The following PLXNC1 variants were observed in gnomAD, a reference collection of about 807,000 sequenced individuals.
PLXNC1 encodes plexin-C1.
A neutral mutation model predicts 178.2 loss-of-function variants in PLXNC1; 75 were observed. The ratio of observed to expected loss-of-function variants is 0.42; its 90% CI spans 0.35 to 0.51. The LOEUF (loss-of-function observed/expected upper bound fraction) is 0.51, where lower values mean the gene tolerates loss of function less well. PLXNC1 is among the 20% of genes least tolerant of loss of function. The pLI, the probability that PLXNC1 is intolerant of heterozygous loss-of-function variation, is 0.02. For missense variants in PLXNC1, 1,503 were observed against 1,984.4 expected (o/e 0.76, Z 4.61); for synonymous variants, 790 against 779.9 (o/e 1.01, Z -0.22).
chr12:94,279,350 C>T (rs941725454), intron 21 of PLXNC1, 122 bp from the exon 22 acceptor site: 4 of 703,516 alleles, frequency 5.7e-6, no homozygotes, highest in African/African-American at 5.4e-5. Flanking sequence ...TAATGCAATA[C>T]AGTGTTTGCT....
At chr12:94,273,269 TTC>T (rs759011164) in intron 21 of PLXNC1, among the ~76,000 whole-genome samples, 65 of 152,178 alleles carry the variant, frequency 4.3e-4, no homozygotes, top group Non-Finnish European at 7.6e-4. Flanking sequence ...GGGACTCTCT[TTC>T]AGGTGGCAGG....
In PLXNC1 at chr12:94,305,948, CTCTA is replaced by C. The variant is rs1968960808; in HGVS notation, c.*664_*667del. On this transcript the variant is annotated 3_prime_UTR_variant, in exon 31 of 31. Coordinates refer to ENST00000258526, the MANE Select transcript of PLXNC1 (RefSeq NM_005761.3). Reference sequence around the variant, plus strand: ...AACTCACCTCCATTTCACCAAGGAGCTCTAAAGTAAGGAGAGTGGGCTTTATTTA... The same window carrying C: ...AACTCACCTCCATTTCACCAAGGAGCAAGTAAGGAGAGTGGGCTTTATTTA... The C allele has an allele frequency of 6.6e-6, 1 of 152,150 alleles. No individual in the cohort carries two copies. Among genetic ancestry groups the C allele is most frequent in the Non-Finnish European group, 1.5e-5 (1 of 68,024 alleles). 9.4% of individuals were successfully genotyped at this position (152,150 alleles called of 1,614,324 possible). A position where few individuals can be genotyped will look rare whatever the true frequency, so the allele number is the denominator to read the frequency against.
chr12:94,163,463 A>G (rs116718571), intron 1 of PLXNC1, among the ~76,000 whole-genome samples: 2,961 of 152,294 alleles, frequency 0.019, 94 homozygotes, highest in African/African-American at 0.068. Flanking sequence ...TTTTATAAGT[A>G]ATTGACTGAA....
intron 4 of PLXNC1, among the ~76,000 whole-genome samples, chr12:94,188,816 C>T (rs73364623): frequency 4.6e-5 from 7 of 152,360 alleles, no homozygotes; most frequent in African/African-American, 1.7e-4. Context: ...ACTGGCCCCT[C>T]ACCCTCAGTG....
chr12:94,269,216 G>C (rs1965430820), intron 21 of PLXNC1, among the ~76,000 whole-genome samples: 1 of 152,226 alleles, frequency 6.6e-6, no homozygotes, highest in African/African-American at 2.4e-5. Context: ...GTATCTGAGA[G>C]AGAGCATCTT....
intron 3 of PLXNC1, 58 bp downstream of exon 3, chr12:94,181,638 G>T: frequency 7.1e-7 from 1 of 1,406,022 alleles, no homozygotes; most frequent in Non-Finnish European, 1.0e-6. Flanking sequence ...TTTAATTGAT[G>T]TCATTATCTA....
Position 94,260,578 on chromosome 12 carries a change from A to C in PLXNC1, c.3252-64A>C. 1 of 1,233,770 alleles carries C rather than the reference A, an allele frequency of 8.1e-7. No homozygotes were observed. The highest frequency in any genetic ancestry group is 1.2e-6 in the Non-Finnish European group (1 of 864,646). The allele number at this position is 1,233,770 out of a possible 1,614,324, so 76.4% of individuals were successfully genotyped here. Reference sequence around the variant, plus strand: ...CTGCCCTGCCAGTGAGCTTCCATGGAAACTCCCATGGGTGTCCAGCTAGGC... The same window carrying C: ...CTGCCCTGCCAGTGAGCTTCCATGGCAACTCCCATGGGTGTCCAGCTAGGC... On this transcript the variant is annotated intron_variant, in intron 19 of 30. Transcript: ENST00000258526. The surrounding 1 kb of genome is among the most constrained non-coding windows in gnomAD (Gnocchi z 4.4).
chr12:94,197,437 T>TTCTCTCTCTCTCTC (rs61069982), intron 4 of PLXNC1, among the ~76,000 whole-genome samples: 5 of 148,542 alleles, frequency 3.4e-5, no homozygotes, highest in African/African-American at 1.2e-4. Context: ...TTAGGCCCCT[T>TTCTCTCTCTCTCTC]TCTCTCTCTC....
intron 6 of PLXNC1, among the ~76,000 whole-genome samples, chr12:94,220,690 G>A (rs889998162): frequency 1.1e-4 from 17 of 152,214 alleles, no homozygotes; most frequent in African/African-American, 3.6e-4. Context: ...TTACAATGCA[G>A]TGTGTAAATA....
chr12:94,154,487 G>T (rs894846541), intron 1 of PLXNC1, among the ~76,000 whole-genome samples: 1 of 152,204 alleles, frequency 6.6e-6, no homozygotes, highest in Non-Finnish European at 1.5e-5. Context: ...GAATATTGCT[G>T]TCAAGGAAAT....
In PLXNC1 at chr12:94,224,731, C is replaced by T. The variant is rs144590564; in HGVS notation, c.1790+416C>T. 4.2e-3 allele frequency among the ~76,000 whole-genome samples: 639 copies of T among 152,068 alleles called. 5 individuals are homozygous for T. The highest frequency in any genetic ancestry group is 0.014 in the African/African-American group (579 of 41,466). On this transcript the variant is annotated intron_variant, in intron 7 of 30. Transcript: ENST00000258526. Reference sequence around the variant, plus strand: ...GACCAGCCTGGGCAATATAGTGAGACGCCATCGCTACAAAAAAACACAAAA... The same window carrying T: ...GACCAGCCTGGGCAATATAGTGAGATGCCATCGCTACAAAAAAACACAAAA...
At chr12:94,245,506 C>A (rs1038905228) in intron 12 of PLXNC1, among the ~76,000 whole-genome samples, 1 of 60,812 alleles carries the variant, frequency 1.6e-5, no homozygotes. Context: ...CATAGTGAGA[C>A]CCCCATCTCT....
At chr12:94,303,671 G>A in intron 28 of PLXNC1, 85 bp from the exon 29 acceptor site, 1 of 1,211,546 alleles carries the variant, frequency 8.3e-7, no homozygotes, top group African/African-American at 1.6e-5. Flanking sequence ...CAGCTACATT[G>A]GAATATTATA....
chr12:94,205,637 T>C (rs569338149), intron 4 of PLXNC1, among the ~76,000 whole-genome samples: 30 of 152,340 alleles, frequency 2.0e-4, no homozygotes, highest in African/African-American at 7.2e-4. Context: ...AGTTGTGTGG[T>C]TGTGTTGTAT....
In PLXNC1 at chr12:94,226,725, G is replaced by A. The variant is rs1357664452; in HGVS notation, c.1893+18G>A. 1 of 1,563,062 alleles carries A rather than the reference G, an allele frequency of 6.4e-7. No homozygotes were observed. Among genetic ancestry groups the A allele is most frequent in the African/African-American group, 1.4e-5 (1 of 73,904 alleles). On this transcript the variant is annotated intron_variant, in intron 8 of 30. Transcript: ENST00000258526. ...GAAACCAGGTAAAGTGACATTTTTG[G>A]TATTGTAAGTCTTAACCGCCGGGCA...
In PLXNC1 at chr12:94,306,497, CT is replaced by C. The variant is rs1969033021; in HGVS notation, c.*1213del. 1 of 152,106 alleles carries C rather than the reference CT, an allele frequency of 6.6e-6. No individual in the cohort carries two copies. 9.4% of individuals were successfully genotyped at this position (152,106 alleles called of 1,614,324 possible). A position where few individuals can be genotyped will look rare whatever the true frequency, so the allele number is the denominator to read the frequency against. On this transcript the variant is annotated 3_prime_UTR_variant, in exon 31 of 31. Coordinates refer to ENST00000258526, the MANE Select transcript of PLXNC1 (RefSeq NM_005761.3). ...TTTTTTAATTCCTGAATTTTTGCTG[CT>C]CATGACCAGTTTTAATACCACTGTG...
At chr12:94,241,025 G>C (rs992993943) in intron 11 of PLXNC1, among the ~76,000 whole-genome samples, 3 of 152,070 alleles carry the variant, frequency 2.0e-5, no homozygotes, top group African/African-American at 7.2e-5. Context: ...GATACTTTAA[G>C]CTGTTTTGAA....
Position 94,294,504 on chromosome 12 carries a change from A to G in PLXNC1, c.3898A>G (p.Ile1300Val), listed in dbSNP as rs1325528045. Reference sequence around the variant, plus strand: ...GTTTCAGATATCAAATGGATCCACTATAAAAGTCTTTAAGAAGATAGCAAA... The same window carrying G: ...GTTTCAGATATCAAATGGATCCACTGTAAAAGTCTTTAAGAAGATAGCAAA... ...GHYEISNGSTIKVFKKIANFT... is the reference protein window; with the variant it reads ...GHYEISNGSTVKVFKKIANFT... The change falls in exon 24 of 31, where the codon ATA (isoleucine) becomes GTA (valine). Residue 1300 changes from isoleucine to valine, a missense_variant. Ile to Val is a conservative substitution (Grantham distance 29, BLOSUM62 3). Coordinates refer to ENST00000258526, the MANE Select transcript of PLXNC1 (RefSeq NM_005761.3). 6 of 1,325,846 alleles carry G rather than the reference A, an allele frequency of 4.5e-6. No homozygotes were observed. The Middle Eastern group carries it at 7.3e-4, about 162-fold the overall frequency. 82.1% of individuals were successfully genotyped at this position (1,325,846 alleles called of 1,614,324 possible). A position where few individuals can be genotyped will look rare whatever the true frequency, so the allele number is the denominator to read the frequency against.
chr12:94,218,259 T>G (rs1438444722), intron 5 of PLXNC1, among the ~76,000 whole-genome samples: 2 of 152,168 alleles, frequency 1.3e-5, no homozygotes, highest in South Asian at 2.1e-4. Flanking sequence ...CTGAAAGAAC[T>G]TGCCTTCTTC....
Sources: allele counts gnomAD v4.1 joint callset (sites outside exome capture counted in the v4.1 genomes callset), GRCh38; gene constraint gnomAD v4.1.1; non-coding constraint Gnocchi (gnomAD v3.1); transcripts MANE v1.5; gene names NCBI Gene and HGNC (gene_info 2026-07-23, HGNC 2026-07-21).